RSPH14: variants seen among roughly 807,000 people sequenced by gnomAD.
RSPH14 encodes the protein rhabdoid tumor deletion region gene 1.
Under a neutral mutation model 26.7 loss-of-function variants are expected in RSPH14, and 20 were observed. The observed-to-expected ratio is 0.75, with a 90% CI of 0.53 to 1.09. RSPH14 has a LOEUF of 1.09. Ranked by LOEUF, RSPH14 falls within the 50% of genes least tolerant of loss-of-function variation. The probability of loss-of-function intolerance (pLI) is 0.00; values close to 1 mark genes in which losing one functional copy is unlikely to be tolerated. For missense variants in RSPH14, 449 were observed against 457.2 expected, an observed-to-expected ratio of 0.98 and a Z score of 0.16; for synonymous variants, 177 against 189.3, an observed-to-expected ratio of 0.93 and a Z score of 0.53.
chr22:23,059,699 C>T lies in RSPH14; in HGVS notation c.810G>A (p.Glu270=). The T allele has an allele frequency of 6.5e-7, 1 of 1,543,728 alleles. No homozygotes were observed. The highest frequency in any genetic ancestry group is 8.7e-7 in the Non-Finnish European group (1 of 1,146,190). ...CCAGGAGCAGGCCGATGGCTTGTGC[C>T]TCCAGGGCCGCATACTTCCCTGCAG... The part of the protein sequence containing the change: ...VITEGKYAAL[E]AQAIGLLLEL... The change falls in exon 7 of 7, where the codon GAG becomes GAA. Residue 270 remains glutamate, a synonymous_variant. Coordinates refer to ENST00000216036, the MANE Select transcript of RSPH14 (RefSeq NM_014433.3).
At chr22:23,142,015 G>C, upstream of RSPH14, 1 of 985,480 alleles carries the variant, frequency 1.0e-6, no homozygotes, top group Non-Finnish European at 1.2e-6. Context: ...GTTGCCAGGC[G>C]ACATCGTTGC....
At chr22:23,095,922 A>G in intron 4 of RSPH14, 1 of 1,613,448 alleles carries the variant, frequency 6.2e-7, no homozygotes, top group African/African-American at 1.3e-5. Flanking sequence ...ATCATCTACA[A>G]TGCCATCGAC....
chr22:23,068,086 C>G (rs1416803755), intron 4 of RSPH14, among the ~76,000 whole-genome samples: 1 of 152,258 alleles, frequency 6.6e-6, no homozygotes, highest in Non-Finnish European at 1.5e-5. Context: ...CCTACTGCCC[C>G]AAGCTGGCAT....
In RSPH14 at chr22:23,095,391, G is replaced by A. The variant is rs973767377; in HGVS notation, c.422-31258C>T. On this transcript the variant is annotated intron_variant, in intron 4 of 6. Coordinates refer to ENST00000216036, the MANE Select transcript of RSPH14 (RefSeq NM_014433.3). ...GGCAGCAGCCGAGGCAAACACAAGC[G>A]GACGGCTTCCCACCGTCGCCGAGGA... The A allele has an allele frequency of 3.6e-5, 13 of 360,406 alleles. No homozygotes were observed. The Admixed American group carries it at 4.0e-4, about 11-fold the overall frequency. The allele number at this position is 360,406 out of a possible 1,614,324, so 22.3% of individuals were successfully genotyped here. A position where few individuals can be genotyped will look rare whatever the true frequency, so the allele number is the denominator to read the frequency against.
intron 4 of RSPH14, among the ~76,000 whole-genome samples, chr22:23,093,876 A>T (rs1465986985): frequency 6.6e-6 from 1 of 152,164 alleles, no homozygotes; most frequent in Non-Finnish European, 1.5e-5. Flanking sequence ...GAGAGACCAG[A>T]ACCTCTGCCC....
rs561016334 is a variant in RSPH14, at chr22:23,075,407, C to T, written c.422-11274G>A. On this transcript the variant is annotated intron_variant, in intron 4 of 6. Coordinates refer to ENST00000216036, the MANE Select transcript of RSPH14 (RefSeq NM_014433.3). ...GGTCTGTGGACCCTTGGGCAAGAGG[C>T]AGCAGGAGGCACATCTTGAGGTTGA... Among the ~76,000 whole-genome samples the T allele has an allele frequency of 8.5e-5, 13 of 152,328 alleles. No individual in the cohort carries two copies. The East Asian group carries it at 1.9e-3, about 23-fold the overall frequency.
At chr22:23,118,149 G>T (rs571338369) in intron 4 of RSPH14, among the ~76,000 whole-genome samples, 17 of 152,340 alleles carry the variant, frequency 1.1e-4, no homozygotes, top group Middle Eastern at 3.4e-3. Context: ...CTGAGCAGGA[G>T]CTCTCTTCTC....
At chr22:23,090,084 A>C (rs1601780287) in intron 4 of RSPH14, among the ~76,000 whole-genome samples, 1 of 152,264 alleles carries the variant, frequency 6.6e-6, no homozygotes, top group East Asian at 1.9e-4. Context: ...GGCGGGGGCC[A>C]GGGACTGGAT....
At chr22:23,150,074 G>C in the RSPH14 span, 1 of 1,609,392 alleles carries the variant, frequency 6.2e-7, no homozygotes, top group South Asian at 1.1e-5. Flanking sequence ...GGTACACGCC[G>C]GAAGCCTGTT....
intron 4 of RSPH14, among the ~76,000 whole-genome samples, chr22:23,088,966 C>T (rs2068888525): frequency 6.6e-6 from 1 of 152,228 alleles, no homozygotes; most frequent in African/African-American, 2.4e-5. Context: ...GGTACAGTTC[C>T]GTCTCCTCAA....
upstream of RSPH14, chr22:23,145,972 G>A (rs1194788048): frequency 1.0e-6 from 1 of 985,312 alleles, no homozygotes; most frequent in African/African-American, 1.7e-5. Context: ...GGGAGCAGGA[G>A]ACCCCTCCCC....
chr22:23,120,758 C>T (rs2069997995), intron 4 of RSPH14, among the ~76,000 whole-genome samples: 2 of 152,172 alleles, frequency 1.3e-5, no homozygotes, highest in Admixed American at 6.5e-5. Flanking sequence ...AGGACCCTGC[C>T]ATCCCTGCCT....
the RSPH14 span, among the ~76,000 whole-genome samples, chr22:23,174,899 G>C: frequency 6.6e-6 from 1 of 151,804 alleles, no homozygotes; most frequent in South Asian, 2.1e-4. Flanking sequence ...ACCGGGAAGC[G>C]GAGGTTGTGG....
upstream of RSPH14, among the ~76,000 whole-genome samples, chr22:23,148,883 G>A (rs1374027380): frequency 6.6e-6 from 1 of 152,202 alleles, no homozygotes; most frequent in East Asian, 1.9e-4. Context: ...CTGCTCTTCT[G>A]CAGGAAAGTA....
intron 4 of RSPH14, among the ~76,000 whole-genome samples, chr22:23,080,211 T>G (rs1323890200): frequency 2.6e-5 from 4 of 152,256 alleles, no homozygotes; most frequent in African/African-American, 7.2e-5. Context: ...AATATCTGGC[T>G]TGATTTCCTC....
chr22:23,094,908 CA>C (rs1377779490), intron 4 of RSPH14, among the ~76,000 whole-genome samples: 1 of 152,254 alleles, frequency 6.6e-6, no homozygotes, highest in Admixed American at 6.5e-5. Flanking sequence ...AGAAGGGCCC[CA>C]GGGGGCATCA....
At chr22:23,116,085 C>T (rs2069826156) in intron 4 of RSPH14, among the ~76,000 whole-genome samples, 1 of 152,288 alleles carries the variant, frequency 6.6e-6, no homozygotes, top group Non-Finnish European at 1.5e-5. Flanking sequence ...CTGTCATGTG[C>T]TCACCACGTG....
At chr22:23,082,377 A>AT (rs34931887) in intron 4 of RSPH14, among the ~76,000 whole-genome samples, 8,087 of 116,460 alleles carry the variant, frequency 0.069, 300 homozygotes, top group Non-Finnish European at 0.082. Flanking sequence ...ACACCTGGCT[A>AT]TTTTTTTTTT....
chr22:23,078,547 C>T (rs563023979), intron 4 of RSPH14, among the ~76,000 whole-genome samples: 3 of 152,338 alleles, frequency 2.0e-5, no homozygotes, highest in South Asian at 4.1e-4. Context: ...TGTCTTGCCA[C>T]GCTGGCTGTT....
Sources: allele counts gnomAD v4.1 joint callset (sites outside exome capture counted in the v4.1 genomes callset), GRCh38; gene constraint gnomAD v4.1.1; transcripts MANE v1.5; gene names NCBI Gene and HGNC (gene_info 2026-07-23, HGNC 2026-07-21).